EIF4EBP3: variants seen among roughly 807,000 people sequenced by gnomAD.
The protein encoded by EIF4EBP3 is eukaryotic translation initiation factor 4E binding protein 3, also known as eukaryotic translation initiation factor 4E-binding protein 3.
In EIF4EBP3, 11 loss-of-function variants were observed where a neutral mutation model predicts 12.1. That is an observed-to-expected ratio of 0.91 (90% CI 0.57 to 1.51). The LOEUF (loss-of-function observed/expected upper bound fraction) is 1.51, where lower values mean the gene tolerates loss of function less well. Among genes scored for constraint, EIF4EBP3 ranks in the 40% most tolerant of loss-of-function variants. The pLI, the probability that EIF4EBP3 is intolerant of heterozygous loss-of-function variation, is 0.00. For synonymous variants in EIF4EBP3, 43 were observed against 54.2 expected (o/e 0.79, Z 0.91); for missense variants, 136 against 131.8 (o/e 1.03, Z -0.16).
In EIF4EBP3 at chr5:140,548,776, G is replaced by A. The variant is rs531141200; in HGVS notation, c.104-130G>A. ...GAGAACCTAGCTGGGCTTCAGAGCC[G>A]ATGTCCTTTGATACACAGGGAAATT... On this transcript the variant is annotated intron_variant, in intron 1 of 2. Transcript: ENST00000310331. The A allele has an allele frequency of 2.2e-5, 28 of 1,302,324 alleles. 1 individual carries two copies. The African/African-American group carries it at 2.2e-4, about 10-fold the overall frequency. The allele number at this position is 1,302,324 out of a possible 1,614,324, so 80.7% of individuals were successfully genotyped here.
At position 140,549,409 on chromosome 5, in the gene EIF4EBP3, C is replaced by CT; in HGVS notation, c.*148dup. ...TGTTAGTTCCAGGCCTCCTTTAGTT[C>CT]TGAGGCAGCTAGACCAGGGATAGGA... On this transcript the variant is annotated 3_prime_UTR_variant, in exon 3 of 3. Transcript: ENST00000310331. The CT allele has an allele frequency of 2.2e-6, 3 of 1,379,056 alleles. No homozygotes were observed. The highest frequency in any genetic ancestry group is 3.1e-6 in the Non-Finnish European group (3 of 983,604). 85.4% of individuals were successfully genotyped at this position (1,379,056 alleles called of 1,614,324 possible).
Position 140,549,035 on chromosome 5 carries a change from TGGA to T in EIF4EBP3, c.238_240del (p.Glu80del). The T allele has an allele frequency of 6.2e-7, 1 of 1,613,990 alleles. No homozygotes were observed. The highest frequency in any genetic ancestry group is 8.5e-7 in the Non-Finnish European group (1 of 1,179,916). Reference sequence around the variant, plus strand: ...CCTCCAACAGCCCCTCTCTCCAAGCTGGAGGAGCTGAAGGAGCAGGAGACAGAG... The same window carrying T: ...CCTCCAACAGCCCCTCTCTCCAAGCTGGAGCTGAAGGAGCAGGAGACAGAG... On this transcript the variant is annotated inframe_deletion, in exon 2 of 3. Coordinates refer to ENST00000310331, the MANE Select transcript of EIF4EBP3 (RefSeq NM_003732.3).
rs1463835584 is a variant in EIF4EBP3 at position 140,548,904 on chromosome 5, A to G, written c.104-2A>G. The G allele has an allele frequency of 1.2e-6, 2 of 1,612,428 alleles. No individual in the cohort carries two copies. Among genetic ancestry groups the G allele is most frequent in the East Asian group, 4.5e-5 (2 of 44,844 alleles). On this transcript the variant is annotated splice_acceptor_variant, in intron 1 of 2. Coordinates refer to ENST00000310331, the MANE Select transcript of EIF4EBP3 (RefSeq NM_003732.3). LOFTEE classifies it high-confidence loss of function. ...CTTACCTCAGTCCCAACCCCTTGAC[A>G]GGCACCAGGATCATCTACGACCGAA...
Position 140,547,730 on chromosome 5 carries a change from C to A in EIF4EBP3, c.-8C>A. The A allele has an allele frequency of 6.5e-7, 1 of 1,546,034 alleles. No homozygotes were observed. Among genetic ancestry groups the A allele is most frequent in the Admixed American group, 2.0e-5 (1 of 50,594 alleles). ...CAGGCGGTTACTTTGCTGCTCCTCC[C>A]GCTCGCTATGTCAACGTCCACTAGC... On this transcript the variant is annotated 5_prime_UTR_variant, in exon 1 of 3. Coordinates refer to ENST00000310331, the MANE Select transcript of EIF4EBP3 (RefSeq NM_003732.3).
intron 2 of EIF4EBP3, 71 bp downstream of exon 2, chr5:140,549,147 T>A: frequency 6.2e-7 from 1 of 1,614,058 alleles, no homozygotes; most frequent in Admixed American, 1.7e-5. Flanking sequence ...AGTGCGGGGG[T>A]TCAGTTCCAA....
chr5:140,548,690 C>T (rs907721326), intron 1 of EIF4EBP3, among the ~76,000 whole-genome samples: 65 of 152,158 alleles, frequency 4.3e-4, no homozygotes, highest in African/African-American at 1.5e-3. Context: ...GCCCCCCTTG[C>T]TTTATACCCA....
Position 140,549,069 on chromosome 5 carries a change from G to C in EIF4EBP3, c.267G>C (p.Glu89Asp), listed in dbSNP as rs1358079945. 1.2e-6 allele frequency: 2 copies of C among 1,614,164 alleles called. No homozygotes were observed. Among genetic ancestry groups the C allele is most frequent in the Non-Finnish European group, 1.7e-6 (2 of 1,180,008 alleles). Residue 89 changes from glutamate to aspartate, a missense_variant, in exon 2 of 3, where the codon GAG becomes GAC. Physicochemically the swap from Glu to Asp is conservative, Grantham distance 45. Coordinates refer to ENST00000310331, the MANE Select transcript of EIF4EBP3 (RefSeq NM_003732.3). ...TGAAGGAGCAGGAGACAGAGGAAGA[G>C]ATACCCGGTAAGGAAAGCAGGAATT... is the stretch of plus-strand genomic sequence containing the variant. ...EELKEQETEE[E>D]IPDDAQFEMD...
intron 1 of EIF4EBP3, among the ~76,000 whole-genome samples, chr5:140,548,130 G>C (rs958840353): frequency 2.6e-5 from 4 of 152,236 alleles, no homozygotes; most frequent in Non-Finnish European, 4.4e-5. Flanking sequence ...TGCTTCCTAG[G>C]AATAGGGGCC....
In EIF4EBP3 at chr5:140,547,789, G is replaced by A; in HGVS notation, c.52G>A (p.Asp18Asn). The change falls in exon 1 of 3, where the codon GAC (aspartate) becomes AAC (asparagine). Residue 18 changes from aspartate (D) to asparagine (N), a missense_variant. Coordinates refer to ENST00000310331, the MANE Select transcript of EIF4EBP3 (RefSeq NM_003732.3). The stretch of plus-strand genomic sequence containing the variant: ...TCCCGGGGGCCGGGACCAGCTGCCC[G>A]ACTGCTACAGCACCACGCCGGGGGG... Reference protein sequence around the residue: ...PIPGGRDQLPDCYSTTPGGTL... With the variant: ...PIPGGRDQLPNCYSTTPGGTL... 1 of 1,539,856 alleles carries A rather than the reference G, an allele frequency of 6.5e-7. No homozygotes were observed. Among genetic ancestry groups the A allele is most frequent in the South Asian group, 1.2e-5 (1 of 82,940 alleles).
intron 1 of EIF4EBP3, among the ~76,000 whole-genome samples, chr5:140,548,045 G>T (rs1322303464): frequency 6.6e-6 from 1 of 152,344 alleles, no homozygotes; most frequent in East Asian, 1.9e-4. Context: ...CTAGCTTCCG[G>T]GTGTTTGGGC....
chr5:140,547,728 C>T lies in EIF4EBP3; in HGVS notation c.-10C>T, dbSNP rs1036758296. The stretch of plus-strand genomic sequence containing the variant: ...GCCAGGCGGTTACTTTGCTGCTCCT[C>T]CCGCTCGCTATGTCAACGTCCACTA... On this transcript the variant is annotated 5_prime_UTR_variant, in exon 1 of 3. Coordinates refer to ENST00000310331, the MANE Select transcript of EIF4EBP3 (RefSeq NM_003732.3). The T allele has an allele frequency of 1.9e-6, 3 of 1,546,102 alleles. No homozygotes were observed. In the African/African-American group the frequency reaches 4.1e-5, roughly 21 times the overall value.
chr5:140,548,728 A>G (rs1472802077), intron 1 of EIF4EBP3, among the ~76,000 whole-genome samples, 178 bp from the exon 2 acceptor site: 10 of 152,170 alleles, frequency 6.6e-5, no homozygotes, highest in African/African-American at 1.9e-4. Context: ...GAAGATTTTA[A>G]GCACTATGAA....
At position 140,547,732 on chromosome 5, in the gene EIF4EBP3, C is replaced by T; in HGVS notation, c.-6C>T. 1 of 1,546,332 alleles carries T rather than the reference C, an allele frequency of 6.5e-7. No homozygotes were observed. On this transcript the variant is annotated 5_prime_UTR_variant, in exon 1 of 3. Transcript: ENST00000310331. Reference sequence around the variant, plus strand: ...GGCGGTTACTTTGCTGCTCCTCCCGCTCGCTATGTCAACGTCCACTAGCTG... The same window carrying T: ...GGCGGTTACTTTGCTGCTCCTCCCGTTCGCTATGTCAACGTCCACTAGCTG...
intron 1 of EIF4EBP3, among the ~76,000 whole-genome samples, 168 bp downstream of exon 1, chr5:140,548,008 T>A (rs1189226913): frequency 2.6e-5 from 4 of 152,206 alleles, no homozygotes; most frequent in Non-Finnish European, 5.9e-5. Context: ...CCCAAAAACT[T>A]CTAAGTGATG....
chr5:140,548,924 A>G lies in EIF4EBP3; in HGVS notation c.122A>G (p.Asp41Gly). 6.2e-7 allele frequency: 1 copy of G among 1,613,758 alleles called. No individual in the cohort carries two copies. The highest frequency in any genetic ancestry group is 8.5e-7 in the Non-Finnish European group (1 of 1,179,868). ...TTPGGTRIIY[D>G]RKFLLECKNS... ...TTGACAGGCACCAGGATCATCTACGACCGAAAGTTCCTGCTGGAGTGCAAG... is the reference window on the plus strand; with the variant it reads ...TTGACAGGCACCAGGATCATCTACGGCCGAAAGTTCCTGCTGGAGTGCAAG... The change falls in exon 2 of 3, where the codon GAC (aspartate) becomes GGC (glycine). Residue 41 changes from aspartate (D) to glycine (G), a missense_variant. By Grantham distance (94) the Asp-to-Gly change is moderately conservative. Transcript: ENST00000310331.
At chr5:140,548,018 G>A (rs1047714768) in intron 1 of EIF4EBP3, among the ~76,000 whole-genome samples, 178 bp downstream of exon 1, 7 of 152,252 alleles carry the variant, frequency 4.6e-5, no homozygotes, top group Non-Finnish European at 8.8e-5. Context: ...TCTAAGTGAT[G>A]CAACAAGGCC....
chr5:140,548,170 G>A (rs1016481414), intron 1 of EIF4EBP3, among the ~76,000 whole-genome samples: 3 of 152,196 alleles, frequency 2.0e-5, no homozygotes, highest in African/African-American at 7.2e-5. Flanking sequence ...GACCTCAGCC[G>A]GAAGCACCGG....
chr5:140,549,569 CAAAG>C lies in EIF4EBP3; in HGVS notation c.*311_*314del, dbSNP rs763431735. 1 of 439,536 alleles carries C rather than the reference CAAAG, an allele frequency of 2.3e-6. No homozygotes were observed. The highest frequency in any genetic ancestry group is 4.2e-6 in the Non-Finnish European group (1 of 236,622). 27.2% of individuals were successfully genotyped at this position (439,536 alleles called of 1,614,324 possible). ...ACCTTCTGACTGCTTAGTAAACATT[CAAAG>C]AAATGCCTTGGCTCCAGTGTTCTCC... On this transcript the variant is annotated 3_prime_UTR_variant, in exon 3 of 3. Transcript: ENST00000310331.
rs765833361 is a variant in EIF4EBP3, at chr5:140,548,912, G to A, written c.110G>A (p.Arg37Lys). The A allele has an allele frequency of 3.7e-6, 6 of 1,613,228 alleles. No individual in the cohort carries two copies. Among genetic ancestry groups the A allele is most frequent in the Non-Finnish European group, 5.1e-6 (6 of 1,179,580 alleles). Residue 37 changes from arginine to lysine, a missense_variant, in exon 2 of 3, where the codon AGG becomes AAG. By Grantham distance (26) the Arg-to-Lys change is conservative. Coordinates refer to ENST00000310331, the MANE Select transcript of EIF4EBP3 (RefSeq NM_003732.3). ...TLYATTPGGT[R>K]IIYDRKFLLE... Reference sequence around the variant, plus strand: ...AGTCCCAACCCCTTGACAGGCACCAGGATCATCTACGACCGAAAGTTCCTG... The same window carrying A: ...AGTCCCAACCCCTTGACAGGCACCAAGATCATCTACGACCGAAAGTTCCTG...
Sources: gnomAD v4.1 joint callset for allele counts (sites outside exome capture counted in the v4.1 genomes callset) on GRCh38, gnomAD v4.1.1 for gene constraint, MANE v1.5 for transcripts, NCBI Gene and HGNC (gene_info 2026-07-23, HGNC 2026-07-21) for gene names.